NEXMIF: variants seen among roughly 807,000 people sequenced by gnomAD.
The protein encoded by NEXMIF is XLMR protein related to neurite extension.
A neutral mutation model predicts 62.1 loss-of-function variants in NEXMIF; 8 were observed. The ratio of observed to expected loss-of-function variants is 0.13; its 90% CI spans 0.08 to 0.23. The LOEUF (loss-of-function observed/expected upper bound fraction) is 0.23. Ranked by LOEUF, NEXMIF falls within the 10% of genes least tolerant of loss-of-function variation. The pLI, the probability that NEXMIF is intolerant of heterozygous loss-of-function variation, is 1.00. For missense variants in NEXMIF, 976 were observed against 1,113.3 expected, an observed-to-expected ratio of 0.88 and a Z score of 1.75; for synonymous variants, 404 against 416.6, an observed-to-expected ratio of 0.97 and a Z score of 0.37.
At chrX:74,740,015 G>T in intron 3 of NEXMIF, 85 bp downstream of exon 3, 1 of 923,889 alleles carries the variant, frequency 1.1e-6, no homozygotes, top group Non-Finnish European at 1.5e-6. Flanking sequence ...TTGCTTTCAA[G>T]AGGGAAAAAA....
intron 1 of NEXMIF, among the ~76,000 whole-genome samples, chrX:74,884,691 A>G (rs768874441): frequency 9.0e-6 from 1 of 111,677 alleles, no homozygotes; most frequent in South Asian, 3.8e-4. Flanking sequence ...CCACACAATA[A>G]TAATGGGAGA....
intron 1 of NEXMIF, among the ~76,000 whole-genome samples, chrX:74,877,626 A>T (rs1485942725): frequency 9.0e-6 from 1 of 111,554 alleles, no homozygotes; most frequent in African/African-American, 3.3e-5. Flanking sequence ...TTTCAGGTAC[A>T]CCAATCAGAC....
At chrX:74,785,190 T>A (rs773549650) in intron 1 of NEXMIF, among the ~76,000 whole-genome samples, 6 of 111,417 alleles carry the variant, frequency 5.4e-5, no homozygotes, top group Admixed American at 1.9e-4. Flanking sequence ...TTCTAGCAAA[T>A]CAGTGAACCT....
intron 1 of NEXMIF, among the ~76,000 whole-genome samples, chrX:74,838,230 G>A (rs756574987): frequency 9.0e-6 from 1 of 111,490 alleles, no homozygotes; most frequent in South Asian, 3.8e-4. Context: ...GTATATGGGC[G>A]AACCTGATCC....
At position 74,740,558 on chromosome X, in the gene NEXMIF, G is replaced by C; in HGVS notation, c.3999C>G (p.Phe1333Leu). ...AAAGGGGCTCTATGGAGGCCATCAT[G>C]AATCTCTGCACATCTGCCATACCAG... ...IASGMADVQR[F>L]MMASIEPLWE... The change falls in exon 3 of 4, where the codon TTC becomes TTG. Residue 1333 changes from phenylalanine to leucine, a missense_variant. By Grantham distance (22) the Phe-to-Leu change is conservative. Transcript: ENST00000055682. 1 of 1,211,925 alleles carries C rather than the reference G, an allele frequency of 8.3e-7. No individual in the cohort carries two copies.
chrX:74,801,561 AC>A lies in NEXMIF; in HGVS notation c.-47-55865del, dbSNP rs773255087. On this transcript the variant is annotated intron_variant, in intron 1 of 3. Transcript: ENST00000055682. ...CTGCTAACTGAAGAGCCCTTGAGTTACCCTGGTACTACACTGAAGGTCTTGA... is the reference window on the plus strand; with the variant it reads ...CTGCTAACTGAAGAGCCCTTGAGTTACCTGGTACTACACTGAAGGTCTTGA... Among the ~76,000 whole-genome samples, 342 of 111,489 alleles carry A rather than the reference AC, an allele frequency of 3.1e-3. 3 individuals carry two copies. Among genetic ancestry groups the A allele is most frequent in the African/African-American group, 0.011 (325 of 30,731 alleles).
chrX:74,796,222 C>CATATATAATATATATATATATA (rs1395627004), intron 1 of NEXMIF, among the ~76,000 whole-genome samples: 2 of 54,108 alleles, frequency 3.7e-5, no homozygotes, highest in Non-Finnish European at 6.2e-5. Context: ...TATATATATA[C>CATATATAATATATATATATATA]ATATATAATA....
At chrX:74,761,347 T>C (rs982382887) in intron 1 of NEXMIF, among the ~76,000 whole-genome samples, 1 of 111,858 alleles carries the variant, frequency 8.9e-6, no homozygotes, top group Non-Finnish European at 1.9e-5. Context: ...GACCTGGTCC[T>C]GGGCAATTTT....
At chrX:74,760,861 T>TATTTA (rs1239592723) in intron 1 of NEXMIF, among the ~76,000 whole-genome samples, 2 of 104,824 alleles carry the variant, frequency 1.9e-5, no homozygotes, top group African/African-American at 6.9e-5. Context: ...TTTATTTATT[T>TATTTA]ATTTATTTAT....
chrX:74,765,528 A>G (rs955653773), intron 1 of NEXMIF, among the ~76,000 whole-genome samples: 1 of 111,763 alleles, frequency 8.9e-6, no homozygotes, highest in Non-Finnish European at 1.9e-5. Context: ...GTCATTGGAC[A>G]GTGTACTTAA....
At chrX:74,897,462 G>T (rs1472071123) in intron 1 of NEXMIF, among the ~76,000 whole-genome samples, 2 of 111,976 alleles carry the variant, frequency 1.8e-5, no homozygotes, top group African/African-American at 6.5e-5. Context: ...CACAGCCTGG[G>T]TACTATTTAC....
At chrX:74,800,002 A>G (rs1006513606) in intron 1 of NEXMIF, among the ~76,000 whole-genome samples, 3 of 111,668 alleles carry the variant, frequency 2.7e-5, no homozygotes, top group Admixed American at 1.9e-4. Flanking sequence ...ACTAAATACA[A>G]GATCAATGAG....
At position 74,741,247 on chromosome X, in the gene NEXMIF, C is replaced by G; in HGVS notation, c.3310G>C (p.Gly1104Arg). ...ATTTTTTCCACACTGTCCAATGGTC[C>G]TGGGACACCCTCTTGGAACCCCTTT... ...TLKGFQEGVP[G>R]PLDSVEKIKW... Residue 1104 changes from glycine to arginine, a missense_variant, in exon 3 of 4, where the codon GGA (glycine) becomes CGA (arginine). Transcript: ENST00000055682. 8.3e-7 allele frequency: 1 copy of G among 1,211,041 alleles called. No individual in the cohort carries two copies. The highest frequency in any genetic ancestry group is 1.1e-6 in the Non-Finnish European group (1 of 895,119).
chrX:74,762,819 T>G (rs185369634), intron 1 of NEXMIF, among the ~76,000 whole-genome samples: 10 of 111,958 alleles, frequency 8.9e-5, no homozygotes, highest in South Asian at 3.7e-4. Context: ...TTGTTTGTTT[T>G]TTTTTCTTGT....
chrX:74,878,180 T>G (rs1167847765), intron 1 of NEXMIF, among the ~76,000 whole-genome samples: 1 of 111,156 alleles, frequency 9.0e-6, no homozygotes, highest in African/African-American at 3.3e-5. Context: ...GTGGATGTCC[T>G]TTCTGTTTGT....
chrX:74,850,142 C>A (rs1477214035), intron 1 of NEXMIF, among the ~76,000 whole-genome samples: 1 of 111,873 alleles, frequency 8.9e-6, no homozygotes, highest in East Asian at 2.8e-4. Context: ...CCACCATTAG[C>A]ACTTGAGCAC....
intron 1 of NEXMIF, among the ~76,000 whole-genome samples, chrX:74,859,371 C>T (rs200607532): frequency 9.0e-6 from 1 of 111,441 alleles, no homozygotes; most frequent in Non-Finnish European, 1.9e-5. Context: ...AAAGTGATGA[C>T]AGAAAATAAC....
chrX:74,813,567 G>T (rs2080367109), intron 1 of NEXMIF, among the ~76,000 whole-genome samples: 1 of 112,056 alleles, frequency 8.9e-6, no homozygotes, highest in African/African-American at 3.2e-5. Context: ...AAGCATCTAG[G>T]TAAGAGCATG....
rs191710189 is a variant in NEXMIF at position 74,842,779 on chromosome X, T to A, written c.-48+82104A>T. 3.2e-3 allele frequency among the ~76,000 whole-genome samples: 363 copies of A among 112,176 alleles called. 2 individuals carry two copies. The highest frequency in any genetic ancestry group is 0.011 in the African/African-American group (347 of 30,885). On this transcript the variant is annotated intron_variant, in intron 1 of 3. Transcript: ENST00000055682. ...GTTTAATTTCCATGTAATTGTATGG[T>A]TTTGAGCAATTTTCATAGTTTTTAT...
Sources: gnomAD v4.1 joint callset for allele counts (sites outside exome capture counted in the v4.1 genomes callset) on GRCh38, gnomAD v4.1.1 for gene constraint, MANE v1.5 for transcripts, NCBI Gene and HGNC (gene_info 2026-07-23, HGNC 2026-07-21) for gene names.